The following RPIA variants were observed in gnomAD, a reference collection of about 807,000 sequenced individuals.
The protein encoded by RPIA is ribose 5-phosphate isomerase A, also known as ribose-5-phosphate isomerase.
A neutral mutation model predicts 37.8 loss-of-function variants in RPIA; 29 were observed. The ratio of observed to expected loss-of-function variants is 0.77; its 90% confidence interval spans 0.57 to 1.05. The LOEUF is 1.05. Among genes scored for constraint, RPIA ranks in the 50% least tolerant of loss-of-function variants. RPIA has a pLI of 0.00. For missense variants in RPIA, 385 were observed against 413.6 expected (o/e 0.93, Z 0.60); for synonymous variants, 167 against 157.0 (o/e 1.06, Z -0.48).
In RPIA at chr2:88,736,685, C is replaced by T. The variant is rs754066914; in HGVS notation, c.738+9C>T. 2.5e-6 allele frequency: 4 copies of T among 1,608,558 alleles called. No individual in the cohort carries two copies. Among genetic ancestry groups the T allele is most frequent in the Non-Finnish European group, 3.4e-6 (4 of 1,175,296 alleles). On this transcript the variant is annotated intron_variant, in intron 7 of 8. Coordinates refer to ENST00000283646, the MANE Select transcript of RPIA (RefSeq NM_144563.3). ...TGGCTGTCAACAAGGCTGTGAGTGG[C>T]CTGGTTGGGCCGGGGGTGTGCTGGG...
Position 88,735,658 on chromosome 2 carries a change from C to G in RPIA, c.528-11C>G, listed in dbSNP as rs766738787. 3 of 1,613,902 alleles carry G rather than the reference C, an allele frequency of 1.9e-6. No individual in the cohort carries two copies. The highest frequency in any genetic ancestry group is 2.5e-6 in the Non-Finnish European group (3 of 1,179,902). Reference sequence around the variant, plus strand: ...GTCTTACTCCTGTGTTCCTTTGCTTCTTTCCTGCAGAGGCTGCCTGACCCA... The same window carrying G: ...GTCTTACTCCTGTGTTCCTTTGCTTGTTTCCTGCAGAGGCTGCCTGACCCA... On this transcript the variant is annotated splice_polypyrimidine_tract_variant and intron_variant, in intron 5 of 8. Transcript: ENST00000283646.
At chr2:88,724,940 A>G (rs1573472232) in intron 3 of RPIA, among the ~76,000 whole-genome samples, 1 of 152,324 alleles carries the variant, frequency 6.6e-6, no homozygotes, top group African/African-American at 2.4e-5. Context: ...TAATAAAACT[A>G]CATTTTCAGG....
At chr2:88,727,030 C>T (rs915619012) in intron 3 of RPIA, among the ~76,000 whole-genome samples, 3 of 152,206 alleles carry the variant, frequency 2.0e-5, no homozygotes, top group African/African-American at 4.8e-5. Flanking sequence ...TGAGCCACCG[C>T]GCATGGCTGT....
At chr2:88,722,335 C>A (rs1460413693) in intron 3 of RPIA, among the ~76,000 whole-genome samples, 1 of 151,668 alleles carries the variant, frequency 6.6e-6, no homozygotes, top group African/African-American at 2.4e-5. Flanking sequence ...TGGAAAATAC[C>A]CAAATAATAA....
At chr2:88,696,509 T>A (rs1257556701) in intron 1 of RPIA, among the ~76,000 whole-genome samples, 1 of 151,604 alleles carries the variant, frequency 6.6e-6, no homozygotes, top group African/African-American at 2.4e-5. Context: ...TGGGGGGGCA[T>A]TGATAGTTTA....
chr2:88,698,179 G>T (rs1419964598), intron 1 of RPIA, among the ~76,000 whole-genome samples: 1 of 151,296 alleles, frequency 6.6e-6, no homozygotes, highest in African/African-American at 2.4e-5. Context: ...GGTGACGCAA[G>T]TTGCTATTCA....
intron 8 of RPIA, among the ~76,000 whole-genome samples, chr2:88,740,166 C>T (rs867492968): frequency 6.6e-6 from 1 of 152,074 alleles, no homozygotes; most frequent in African/African-American, 2.4e-5. Flanking sequence ...ATGTGGCTGC[C>T]GTATAGGTGG....
chr2:88,714,159 G>GTTT (rs10701572), intron 3 of RPIA, among the ~76,000 whole-genome samples: 9,064 of 149,684 alleles, frequency 0.061, 495 homozygotes, highest in African/African-American at 0.14. Flanking sequence ...CTCATTTTTT[G>GTTT]TTTTTTTGTT....
At chr2:88,706,943 T>G (rs1672905521) in intron 3 of RPIA, among the ~76,000 whole-genome samples, 1 of 152,232 alleles carries the variant, frequency 6.6e-6, no homozygotes, top group South Asian at 2.1e-4. Context: ...GCTAATGCTG[T>G]AAGAGTACAG....
intron 1 of RPIA, among the ~76,000 whole-genome samples, chr2:88,693,055 A>C (rs1410676933): frequency 6.6e-6 from 1 of 152,194 alleles, no homozygotes; most frequent in African/African-American, 2.4e-5. Flanking sequence ...TAACAGAGAT[A>C]ATGTAAAATG....
At chr2:88,700,089 C>T (rs372739442) in intron 3 of RPIA, 25 bp downstream of exon 3, 25 of 1,611,168 alleles carry the variant, frequency 1.6e-5, no homozygotes, top group Non-Finnish European at 2.1e-5. Context: ...CCATCTGCAT[C>T]GTGACAGCTT....
intron 1 of RPIA, among the ~76,000 whole-genome samples, chr2:88,695,044 A>T (rs1672713043): frequency 6.6e-6 from 1 of 151,788 alleles, no homozygotes; most frequent in East Asian, 1.9e-4. Context: ...AAGCTTCTGG[A>T]GAGCAGAACA....
In RPIA at chr2:88,698,539, G is replaced by A. The variant is rs201273235; in HGVS notation, c.341G>A (p.Arg114Gln). The change falls in exon 2 of 9, where the codon CGA (arginine) becomes CAA (glutamine). Residue 114 changes from arginine to glutamine, a missense_variant. Arg to Gln is a conservative substitution (Grantham distance 43, BLOSUM62 1). This residue lies in a region of RPIA where 232 missense variants were observed against 203.0 expected (regional missense o/e 1.14). Transcript: ENST00000283646. ...SGSTIVHAVQ[R>Q]IAERVKQENL... ...TCTACAATTGTCCATGCTGTGCAGC[G>A]AATAGGTATGCTCTCTCACTGTCTA... 80 of 1,613,404 alleles carry A rather than the reference G, an allele frequency of 5.0e-5. No homozygotes were observed. Among genetic ancestry groups the A allele is most frequent in the African/African-American group, 1.1e-4 (8 of 74,884 alleles).
At position 88,750,197 on chromosome 2, in the gene RPIA, G is replaced by A; in HGVS notation, c.*119G>A. On this transcript the variant is annotated 3_prime_UTR_variant, in exon 9 of 9. Transcript: ENST00000283646. ...GCCTGGACAACTTGTGGTGGGGGGT[G>A]GGGGGAAGAGTGGGAGGGGGAGTTA... is the stretch of plus-strand genomic sequence containing the variant. 4.3e-6 allele frequency: 3 copies of A among 691,330 alleles called. No homozygotes were observed. The highest frequency in any genetic ancestry group is 2.7e-6 in the Non-Finnish European group (1 of 374,926). 42.8% of individuals were successfully genotyped at this position (691,330 alleles called of 1,614,324 possible). A position where few individuals can be genotyped will look rare whatever the true frequency, so the allele number is the denominator to read the frequency against.
chr2:88,714,162 TTTTTG>T (rs1673003239), intron 3 of RPIA, among the ~76,000 whole-genome samples: 1 of 151,504 alleles, frequency 6.6e-6, no homozygotes, highest in East Asian at 1.9e-4. Flanking sequence ...ATTTTTTGTT[TTTTTG>T]TTTGTTTGTT....
chr2:88,749,857 G>C lies in RPIA; in HGVS notation c.839-124G>C, dbSNP rs1036421792. 1.7e-5 allele frequency: 12 copies of C among 688,514 alleles called. No homozygotes were observed. In the African/African-American group the frequency reaches 2.0e-4, roughly 11 times the overall value. The allele number at this position is 688,514 out of a possible 1,614,324, so 42.7% of individuals were successfully genotyped here. ...TTTCATTGCTCTGTGGGAGAAAAAGGCTTTAGATTTGTCATTCGTCCAATG... is the reference window on the plus strand; with the variant it reads ...TTTCATTGCTCTGTGGGAGAAAAAGCCTTTAGATTTGTCATTCGTCCAATG... On this transcript the variant is annotated intron_variant, in intron 8 of 8. Coordinates refer to ENST00000283646, the MANE Select transcript of RPIA (RefSeq NM_144563.3).
chr2:88,738,289 T>A (rs183264672), intron 8 of RPIA, among the ~76,000 whole-genome samples: 1 of 152,254 alleles, frequency 6.6e-6, no homozygotes, highest in South Asian at 2.1e-4. Context: ...GCTTTGTTGC[T>A]TGTGCATTTC....
At chr2:88,722,464 A>G (rs1182973627) in intron 3 of RPIA, among the ~76,000 whole-genome samples, 2 of 152,336 alleles carry the variant, frequency 1.3e-5, no homozygotes, top group East Asian at 3.9e-4. Context: ...GATAGTCATT[A>G]TTTAAAGTTA....
At chr2:88,740,834 T>C (rs1673373232) in intron 8 of RPIA, among the ~76,000 whole-genome samples, 1 of 152,216 alleles carries the variant, frequency 6.6e-6, no homozygotes, top group African/African-American at 2.4e-5. Context: ...TAACTGTTTT[T>C]TGGATCAGTG....
Sources: gnomAD v4.1 joint callset for allele counts (sites outside exome capture counted in the v4.1 genomes callset) on GRCh38, gnomAD v4.1.1 for gene constraint, gnomAD v4.1.1 regional missense constraint, MANE v1.5 for transcripts, NCBI Gene and HGNC (gene_info 2026-07-23, HGNC 2026-07-21) for gene names.